Variants in SLC4A8 observed in about 807,000 individuals in gnomAD.
SLC4A8 encodes electroneutral sodium bicarbonate exchanger 1.
A neutral mutation model predicts 125.0 loss-of-function variants in SLC4A8; 40 were observed. That is an observed-to-expected ratio of 0.32 (90% confidence interval 0.25 to 0.42). SLC4A8 has a LOEUF of 0.42. SLC4A8 is among the 10% of genes least tolerant of loss of function. SLC4A8 has a pLI of 1.00. For missense variants in SLC4A8, 863 were observed against 1,355.1 expected, an observed-to-expected ratio of 0.64 and a Z score of 5.70; for synonymous variants, 456 against 476.0, an observed-to-expected ratio of 0.96 and a Z score of 0.55.
At chr12:51,476,828 AT>A (rs893608788) in intron 16 of SLC4A8, among the ~76,000 whole-genome samples, 2,221 of 147,110 alleles carry the variant, frequency 0.015, 70 homozygotes, top group African/African-American at 0.053. Context: ...TATTTACGGC[AT>A]TTTTTTTTCA....
rs1228055434 is a variant in SLC4A8 at position 51,466,119 on chromosome 12, T to C, written c.1349+2405T>C. 3.3e-5 allele frequency among the ~76,000 whole-genome samples: 5 copies of C among 152,060 alleles called. No individual in the cohort carries two copies. In the East Asian group the frequency reaches 7.7e-4, roughly 23 times the overall value. Reference sequence around the variant, plus strand: ...TAAGAAGATGGGAAAGGAGACAAAATTGAAATGGTACTCTGAGTTCTGTAT... The same window carrying C: ...TAAGAAGATGGGAAAGGAGACAAAACTGAAATGGTACTCTGAGTTCTGTAT... On this transcript the variant is annotated intron_variant, in intron 11 of 24. Transcript: ENST00000453097.
At chr12:51,395,086 T>C (rs1371893259) in intron 1 of SLC4A8, among the ~76,000 whole-genome samples, 1 of 151,710 alleles carries the variant, frequency 6.6e-6, no homozygotes, top group Non-Finnish European at 1.5e-5. Context: ...TATACGTAAA[T>C]GAAATGGAAA....
chr12:51,461,542 A>G lies in SLC4A8; in HGVS notation c.1101+251A>G, dbSNP rs1241656310. On this transcript the variant is annotated intron_variant, in intron 9 of 24. Transcript: ENST00000453097. ...GAAATCTTTTTCTGGGGAAACTATT[A>G]TTGCCAAGTAGGATATATAGAGAAA... The G allele has an allele frequency of 1.6e-5, 6 of 379,686 alleles. No individual in the cohort carries two copies. The East Asian group carries it at 2.8e-4, about 18-fold the overall frequency. 23.5% of individuals were successfully genotyped at this position (379,686 alleles called of 1,614,324 possible).
rs1938311562 is a variant in SLC4A8 at position 51,510,105 on chromosome 12, G to A, written c.*2667G>A. On this transcript the variant is annotated 3_prime_UTR_variant, in exon 25 of 25. Coordinates refer to ENST00000453097, the MANE Select transcript of SLC4A8 (RefSeq NM_001039960.3). ...GCTGGTACGAGGACAGCTGGAGGAG[G>A]GTCTGATATCCCTGCAAGTGATGCA... The A allele has an allele frequency of 6.6e-6, 1 of 152,228 alleles. No homozygotes were observed. The highest frequency in any genetic ancestry group is 1.5e-5 in the Non-Finnish European group (1 of 68,098). 9.4% of individuals were successfully genotyped at this position (152,228 alleles called of 1,614,324 possible).
In SLC4A8 at chr12:51,424,907, A is replaced by C. The variant is rs1948908085; in HGVS notation, c.-81A>C. The C allele has an allele frequency of 6.9e-7, 1 of 1,445,966 alleles. No homozygotes were observed. Among genetic ancestry groups the C allele is most frequent in the Admixed American group, 2.0e-5 (1 of 50,086 alleles). 89.6% of individuals were successfully genotyped at this position (1,445,966 alleles called of 1,614,324 possible). A position where few individuals can be genotyped will look rare whatever the true frequency, so the allele number is the denominator to read the frequency against. On this transcript the variant is annotated 5_prime_UTR_variant, in exon 1 of 25. Coordinates refer to ENST00000453097, the MANE Select transcript of SLC4A8 (RefSeq NM_001039960.3). ...CGGGGTGGGGGTCGCCGTTCGAGTG[A>C]TCTGCTCAGACCCGACCAGAGGGCG...
chr12:51,408,444 C>G (rs1449089187), intron 1 of SLC4A8, among the ~76,000 whole-genome samples: 4 of 151,986 alleles, frequency 2.6e-5, no homozygotes, highest in Non-Finnish European at 5.9e-5. Flanking sequence ...TCCATGCTGG[C>G]CAGGCTGGTC....
upstream of SLC4A8, chr12:51,424,734 C>A (rs1948898851): frequency 2.2e-6 from 1 of 460,290 alleles, no homozygotes; most frequent in South Asian, 3.5e-5. Context: ...TCCCCCTCCC[C>A]GCGGTAGCCC....
intron 1 of SLC4A8, among the ~76,000 whole-genome samples, chr12:51,399,613 C>A (rs898838337): frequency 6.6e-6 from 1 of 152,112 alleles, no homozygotes; most frequent in Non-Finnish European, 1.5e-5. Flanking sequence ...TCAATTTTGG[C>A]AAAGTGAAAA....
chr12:51,403,327 A>G, intron 1 of SLC4A8: 1 of 436,982 alleles, frequency 2.3e-6, no homozygotes, highest in Non-Finnish European at 4.7e-6. Context: ...TCCACCAGAA[A>G]GCGTTACTTA....
intron 19 of SLC4A8, among the ~76,000 whole-genome samples, chr12:51,491,811 T>G (rs572999019): frequency 3.3e-5 from 5 of 151,808 alleles, no homozygotes; most frequent in African/African-American, 1.2e-4. Flanking sequence ...CTTTTAAATC[T>G]TCCACAATCT....
chr12:51,421,186 A>G (rs1299477354), upstream of SLC4A8, among the ~76,000 whole-genome samples: 1 of 152,112 alleles, frequency 6.6e-6, no homozygotes. Flanking sequence ...GTGTGAGGTG[A>G]TGTCCTTGGC....
At chr12:51,400,048 T>C (rs2137925804) in intron 1 of SLC4A8, among the ~76,000 whole-genome samples, 1 of 150,824 alleles carries the variant, frequency 6.6e-6, no homozygotes, top group East Asian at 2.0e-4. Flanking sequence ...AAGTGGTCCC[T>C]CCTCCTGGGT....
chr12:51,438,163 C>T (rs894432499), intron 1 of SLC4A8, among the ~76,000 whole-genome samples: 2 of 152,066 alleles, frequency 1.3e-5, no homozygotes, highest in African/African-American at 4.8e-5. Context: ...CAATATCTTC[C>T]TTCTAGCTGT....
At chr12:51,466,822 T>C (rs913614115) in intron 11 of SLC4A8, among the ~76,000 whole-genome samples, 2 of 152,216 alleles carry the variant, frequency 1.3e-5, no homozygotes, top group African/African-American at 2.4e-5. Flanking sequence ...ATGTCTTCCC[T>C]TTCTATGGCT....
In SLC4A8 at chr12:51,504,055, G is replaced by A. The variant is rs1938058356; in HGVS notation, c.3108G>A (p.Gly1036=). ...AGGCTGAGAAAATGTTAGAAATTGGGGGAGACAAGTTTCCCTTAGAGAGCA... is the reference window on the plus strand; with the variant it reads ...AGGCTGAGAAAATGTTAGAAATTGGAGGAGACAAGTTTCCCTTAGAGAGCA... ...EEEAEKMLEI[G]GDKFPLESRK... The change falls in exon 23 of 25, where the codon GGG becomes GGA. Residue 1036 remains glycine (G), a synonymous_variant. Transcript: ENST00000453097. The A allele has an allele frequency of 6.3e-7, 1 of 1,585,624 alleles. No homozygotes were observed. The highest frequency in any genetic ancestry group is 8.6e-7 in the Non-Finnish European group (1 of 1,163,952).
At chr12:51,395,030 G>GA (rs796593317) in intron 1 of SLC4A8, among the ~76,000 whole-genome samples, 11 of 139,384 alleles carry the variant, frequency 7.9e-5, no homozygotes, top group Admixed American at 2.1e-4. Context: ...CCATGTCTCT[G>GA]AAAAAAATAA....
At chr12:51,413,740 A>T (rs1341671482) in intron 1 of SLC4A8, among the ~76,000 whole-genome samples, 2 of 151,712 alleles carry the variant, frequency 1.3e-5, no homozygotes, top group Non-Finnish European at 2.9e-5. Flanking sequence ...AAATATGTGG[A>T]TTTATTTCTG....
In SLC4A8 at chr12:51,457,371, G is replaced by C. The variant is rs1950184126; in HGVS notation, c.595G>C (p.Glu199Gln). The C allele has an allele frequency of 1.2e-6, 2 of 1,613,672 alleles. No homozygotes were observed. Among genetic ancestry groups the C allele is most frequent in the South Asian group, 2.2e-5 (2 of 91,042 alleles). The change falls in exon 6 of 25, where the codon GAA (glutamate) becomes CAA (glutamine). Residue 199 changes from glutamate (E) to glutamine (Q), a missense_variant. This residue lies in a region of SLC4A8 where 390 missense variants were observed against 634.4 expected (regional missense o/e 0.61). Transcript: ENST00000453097. ...EISDLILDQQ[E>Q]LSSDLNDSMR... The stretch of plus-strand genomic sequence containing the variant: ...TCCAGACCTGATCCTGGATCAGCAA[G>C]AACTGTCCAGTGACCTGAATGACAG...
chr12:51,463,523 G>A, intron 10 of SLC4A8, 91 bp from the exon 11 acceptor site: 1 of 883,654 alleles, frequency 1.1e-6, no homozygotes, highest in Admixed American at 2.2e-5. Context: ...ATTTTTGGTT[G>A]CTTTTGGGTT....
Sources: gnomAD v4.1 joint callset for allele counts (sites outside exome capture counted in the v4.1 genomes callset) on GRCh38, gnomAD v4.1.1 for gene constraint, gnomAD v4.1.1 regional missense constraint, MANE v1.5 for transcripts, NCBI Gene and HGNC (gene_info 2026-07-23, HGNC 2026-07-21) for gene names.